LIPK: variants seen among roughly 807,000 people sequenced by gnomAD.
The protein encoded by LIPK is lipase family member K, also known as lipase member K.
LIPK carries 32 observed loss-of-function variants against 48.6 expected under a neutral mutation model. The observed-to-expected ratio is 0.66, with a 90% confidence interval of 0.50 to 0.88. The LOEUF (loss-of-function observed/expected upper bound fraction) is 0.88, where lower values mean the gene tolerates loss of function less well. Among genes scored for constraint, LIPK ranks in the 40% least tolerant of loss-of-function variants. The probability of loss-of-function intolerance (pLI) is 0.00; values close to 1 mark genes in which losing one functional copy is unlikely to be tolerated. For missense variants in LIPK, 507 were observed against 478.5 expected (o/e 1.06, Z -0.56); for synonymous variants, 164 against 157.4 (o/e 1.04, Z -0.32).
At chr10:88,728,131 T>C in intron 3 of LIPK, 1 of 247,580 alleles carries the variant, frequency 4.0e-6, no homozygotes, top group Non-Finnish European at 8.2e-6. Flanking sequence ...AAAGCTTACA[T>C]GAACAACGTA....
chr10:88,751,661 G>A (rs994120724), intron 9 of LIPK, among the ~76,000 whole-genome samples: 5 of 152,154 alleles, frequency 3.3e-5, no homozygotes, highest in African/African-American at 9.7e-5. Flanking sequence ...TTAGATGTAC[G>A]TGGCAGGAGT....
chr10:88,730,415 G>T (rs1336924047), intron 3 of LIPK, among the ~76,000 whole-genome samples: 1 of 151,840 alleles, frequency 6.6e-6, no homozygotes, highest in Non-Finnish European at 1.5e-5. Context: ...TCAGCCTCCC[G>T]AGTAGCTGGG....
At position 88,737,874 on chromosome 10, in the gene LIPK, G is replaced by A. The variant is rs190936788; in HGVS notation, c.816+93G>A. ...GGATTGTATGGCAACTGCAATTCAA[G>A]GTTTCCTTTTTGCATTTGGAATGTA... is the stretch of plus-strand genomic sequence containing the variant. On this transcript the variant is annotated intron_variant, in intron 7 of 9. Coordinates refer to ENST00000404190, the MANE Select transcript of LIPK (RefSeq NM_001080518.2). The A allele has an allele frequency of 2.2e-4, 303 of 1,382,714 alleles. No individual in the cohort carries two copies. The African/African-American group carries it at 4.0e-3, about 18-fold the overall frequency. 85.7% of individuals were successfully genotyped at this position (1,382,714 alleles called of 1,614,324 possible). A position where few individuals can be genotyped will look rare whatever the true frequency, so the allele number is the denominator to read the frequency against.
At chr10:88,751,044 T>A (rs1437374205) in intron 9 of LIPK, among the ~76,000 whole-genome samples, 1 of 152,238 alleles carries the variant, frequency 6.6e-6, no homozygotes, top group African/African-American at 2.4e-5. Flanking sequence ...AATACCATTA[T>A]ATGGATCATT....
chr10:88,725,433 A>G (rs183164766), intron 2 of LIPK, among the ~76,000 whole-genome samples: 1 of 152,312 alleles, frequency 6.6e-6, no homozygotes, highest in African/African-American at 2.4e-5. Flanking sequence ...TATTCTACAC[A>G]TATTACATAT....
chr10:88,708,092 G>C (rs1055762944), intron 1 of LIPK, among the ~76,000 whole-genome samples: 3 of 152,072 alleles, frequency 2.0e-5, no homozygotes, highest in African/African-American at 7.2e-5. Flanking sequence ...CATTTGTATG[G>C]CTGCCAAGAA....
At chr10:88,739,478 G>A (rs1473448401) in intron 7 of LIPK, among the ~76,000 whole-genome samples, 1 of 145,216 alleles carries the variant, frequency 6.9e-6, no homozygotes, top group African/African-American at 2.5e-5. Flanking sequence ...ACAGGACAGA[G>A]CTGGTGGAGG....
chr10:88,732,775 G>C (rs76005446), intron 6 of LIPK, among the ~76,000 whole-genome samples: 2 of 152,222 alleles, frequency 1.3e-5, no homozygotes, highest in African/African-American at 4.8e-5. Context: ...CTAGAAACGT[G>C]TCTGCTGCGC....
Position 88,744,065 on chromosome 10 carries a change from G to A in LIPK, c.960+744G>A, listed in dbSNP as rs551555465. ...CCTCTAGGTAGCGCTGGCCTTTGTT[G>A]ACTGTTGAACCTGAACAGAACAGGG... On this transcript the variant is annotated intron_variant, in intron 9 of 9. Transcript: ENST00000404190. 6.6e-5 allele frequency among the ~76,000 whole-genome samples: 10 copies of A among 152,304 alleles called. No homozygotes were observed. The East Asian group carries it at 1.9e-3, about 29-fold the overall frequency.
chr10:88,713,221 A>C (rs2134685240), intron 1 of LIPK, among the ~76,000 whole-genome samples: 1 of 152,322 alleles, frequency 6.6e-6, no homozygotes, highest in South Asian at 2.1e-4. Flanking sequence ...CAAACCAACA[A>C]AAAGAGGATA....
intron 6 of LIPK, among the ~76,000 whole-genome samples, chr10:88,733,577 T>A (rs531958072): frequency 6.6e-6 from 1 of 152,356 alleles, no homozygotes; most frequent in Admixed American, 6.5e-5. Context: ...TTACATTGCC[T>A]GTTGGTACTT....
intron 1 of LIPK, among the ~76,000 whole-genome samples, chr10:88,709,123 G>C (rs979598800): frequency 1.3e-5 from 2 of 152,062 alleles, no homozygotes; most frequent in Non-Finnish European, 2.9e-5. Flanking sequence ...CATTGATGAT[G>C]ATTATTTATT....
chr10:88,711,835 T>C (rs1842033105), intron 1 of LIPK, among the ~76,000 whole-genome samples: 1 of 152,030 alleles, frequency 6.6e-6, no homozygotes. Context: ...TTTTTAATCT[T>C]TTTTTTGCTT....
chr10:88,751,011 T>A (rs1049285781), intron 9 of LIPK, among the ~76,000 whole-genome samples: 1 of 152,232 alleles, frequency 6.6e-6, no homozygotes, highest in Non-Finnish European at 1.5e-5. Context: ...TTCTTTAGGA[T>A]GTCATTTACT....
intron 1 of LIPK, among the ~76,000 whole-genome samples, chr10:88,711,511 C>A (rs1406282486): frequency 6.6e-6 from 1 of 152,138 alleles, no homozygotes; most frequent in Non-Finnish European, 1.5e-5. Flanking sequence ...CTCACTCTAT[C>A]ACCCAGGCTG....
rs1171155607 is a variant in LIPK, at chr10:88,732,458, T to G, written c.576T>G (p.Ile192Met). Reference protein sequence around the residue: ...FSTNPELAKKIKIFFALAPVV... With the variant: ...FSTNPELAKKMKIFFALAPVV... ...CAAACCCAGAACTGGCTAAAAAGAT[T>G]AAGATATTTTTTGCACTGGCTCCAG... Residue 192 changes from isoleucine to methionine, a missense_variant, in exon 6 of 10, where the codon ATT (isoleucine) becomes ATG (methionine). Ile to Met is a conservative substitution (Grantham distance 10). Coordinates refer to ENST00000404190, the MANE Select transcript of LIPK (RefSeq NM_001080518.2). The G allele has an allele frequency of 5.0e-6, 8 of 1,613,566 alleles. No individual in the cohort carries two copies. The highest frequency in any genetic ancestry group is 6.8e-6 in the Non-Finnish European group (8 of 1,179,674).
rs560465737 is a variant in LIPK at position 88,740,146 on chromosome 10, AG to A, written c.888+82del. ...GAAGTGCTCTCAGAGAGCTCACTGCAGGGTTCTGCTGGCACCTGCCACTGCC... is the reference window on the plus strand; with the variant it reads ...GAAGTGCTCTCAGAGAGCTCACTGCAGGTTCTGCTGGCACCTGCCACTGCC... On this transcript the variant is annotated intron_variant, in intron 8 of 9. Transcript: ENST00000404190. 11 of 1,040,128 alleles carry A rather than the reference AG, an allele frequency of 1.1e-5. No individual in the cohort carries two copies. In the African/African-American group the frequency reaches 1.8e-4, roughly 17 times the overall value. The allele number at this position is 1,040,128 out of a possible 1,614,324, so 64.4% of individuals were successfully genotyped here.
intron 8 of LIPK, among the ~76,000 whole-genome samples, chr10:88,741,007 A>T (rs555273372): frequency 6.6e-6 from 1 of 152,312 alleles, no homozygotes; most frequent in South Asian, 2.1e-4. Flanking sequence ...CCTACTGACG[A>T]GGAGACAGAT....
intron 6 of LIPK, 51 bp from the exon 7 acceptor site, chr10:88,737,584 T>G (rs1456671832): frequency 2.4e-5 from 38 of 1,594,180 alleles, no homozygotes; most frequent in Non-Finnish European, 3.0e-5. Flanking sequence ...CTTTCTCCAC[T>G]TTTGATATCC....
Sources: allele counts gnomAD v4.1 joint callset (sites outside exome capture counted in the v4.1 genomes callset), GRCh38; gene constraint gnomAD v4.1.1; transcripts MANE v1.5; gene names NCBI Gene and HGNC (gene_info 2026-07-23, HGNC 2026-07-21).